The following CC2D2B variants were observed in gnomAD, a reference collection of about 807,000 sequenced individuals.
CC2D2B encodes the protein protein CC2D2B.
In CC2D2B, 128 loss-of-function variants were observed where a neutral mutation model predicts 161.2. The observed-to-expected ratio is 0.79, with a 90% CI of 0.69 to 0.92. The LOEUF (loss-of-function observed/expected upper bound fraction) is 0.92. Ranked by LOEUF, CC2D2B falls within the 40% of genes least tolerant of loss-of-function variation. The pLI is 0.00. For missense variants in CC2D2B, 1,173 were observed against 1,375.1 expected (o/e 0.85, Z 2.32); for synonymous variants, 391 against 449.8 (o/e 0.87, Z 1.65).
chr10:95,970,907 A>G (rs1248448410), intron 15 of CC2D2B, among the ~76,000 whole-genome samples: 1 of 152,166 alleles, frequency 6.6e-6, no homozygotes, highest in Non-Finnish European at 1.5e-5. Context: ...AACTAGAAAA[A>G]ATATGTGCCT....
chr10:95,967,813 T>C (rs2076993013), intron 14 of CC2D2B, among the ~76,000 whole-genome samples: 1 of 151,512 alleles, frequency 6.6e-6, no homozygotes, highest in African/African-American at 2.4e-5. Flanking sequence ...CCCTAACTCT[T>C]TGAGAAGGTT....
chr10:96,015,231 A>ATTTTTTTTTTTTTTTTTTTTT (rs58739011), intron 29 of CC2D2B, among the ~76,000 whole-genome samples: 2 of 111,332 alleles, frequency 1.8e-5, no homozygotes, highest in African/African-American at 7.1e-5. Flanking sequence ...GGCCCAGCTA[A>ATTTTTTTTTTTTTTTTTTTTT]TTTTTTTTTT....
In CC2D2B at chr10:95,961,848, G is replaced by A; in HGVS notation, c.1129G>A (p.Asp377Asn). 4.1e-6 allele frequency: 5 copies of A among 1,231,508 alleles called. No homozygotes were observed. The highest frequency in any genetic ancestry group is 5.1e-6 in the Non-Finnish European group (5 of 987,544). The allele number at this position is 1,231,508 out of a possible 1,614,324, so 76.3% of individuals were successfully genotyped here. Residue 377 changes from aspartate (D) to asparagine (N), a missense_variant, in exon 12 of 35, where the codon GAC becomes AAC. Physicochemically the swap from Asp to Asn is conservative, Grantham distance 23 (BLOSUM62 1). This residue lies in a region of CC2D2B where 298 missense variants were observed against 261.2 expected (regional missense o/e 1.14). Transcript: ENST00000646931. The stretch of plus-strand genomic sequence containing the variant: ...TTGTAGTAATACAAAACAGATGTAT[G>A]ACTTAGAAAGGGGAAAGGACCTCTC... ...WQISNTKQMY[D>N]LERGKDLSLL... is the part of the protein sequence containing the mutation.
At chr10:95,988,940 TC>T (rs2077842118) in intron 20 of CC2D2B, among the ~76,000 whole-genome samples, 1 of 152,170 alleles carries the variant, frequency 6.6e-6, no homozygotes. Flanking sequence ...TAGCATAGTA[TC>T]TTACACTGAG....
At chr10:96,005,172 T>G (rs2078691200) in intron 25 of CC2D2B, among the ~76,000 whole-genome samples, 1 of 152,204 alleles carries the variant, frequency 6.6e-6, no homozygotes, top group Non-Finnish European at 1.5e-5. Flanking sequence ...GGGTAAAGCT[T>G]AGAAAACCCA....
At chr10:95,974,605 G>A (rs1335460447) in intron 17 of CC2D2B, among the ~76,000 whole-genome samples, 1 of 152,186 alleles carries the variant, frequency 6.6e-6, no homozygotes, top group Non-Finnish European at 1.5e-5. Flanking sequence ...TGATGATAAT[G>A]CTGGCTTCCA....
At chr10:96,025,162 T>C (rs1400784890) in intron 33 of CC2D2B, among the ~76,000 whole-genome samples, 1 of 7,108 alleles carries the variant, frequency 1.4e-4, no homozygotes, top group Non-Finnish European at 2.4e-4. Context: ...AAAATATATA[T>C]ATATATATAT....
chr10:95,936,070 G>A (rs1392025137), intron 6 of CC2D2B, among the ~76,000 whole-genome samples: 1 of 152,128 alleles, frequency 6.6e-6, no homozygotes, highest in Non-Finnish European at 1.5e-5. Context: ...AAACAAAAGC[G>A]GGCCGTGTCT....
At chr10:96,016,834 C>T (rs2079221012) in intron 30 of CC2D2B, among the ~76,000 whole-genome samples, 1 of 152,176 alleles carries the variant, frequency 6.6e-6, no homozygotes, top group Non-Finnish European at 1.5e-5. Flanking sequence ...GATTTTTCTG[C>T]CTCAACCTCC....
At chr10:95,956,114 A>C (rs10882698) in intron 11 of CC2D2B, among the ~76,000 whole-genome samples, 37,354 of 152,150 alleles carry the variant, frequency 0.25, 5,983 homozygotes, top group Admixed American at 0.35. Flanking sequence ...TCTATCTCAG[A>C]TTTAGAATTT....
intron 34 of CC2D2B, among the ~76,000 whole-genome samples, chr10:96,027,729 C>T (rs993463551): frequency 3.3e-5 from 5 of 152,166 alleles, no homozygotes; most frequent in African/African-American, 1.2e-4. Context: ...AATCACATTA[C>T]CTGACTTCAA....
chr10:95,923,652 T>C (rs1336901527), intron 3 of CC2D2B, among the ~76,000 whole-genome samples: 6 of 152,168 alleles, frequency 3.9e-5, no homozygotes, highest in Non-Finnish European at 8.8e-5. Context: ...AGAAGGGCTC[T>C]GGCCAGTAGC....
At chr10:95,983,955 C>A (rs548223563) in intron 19 of CC2D2B, 146 bp downstream of exon 19, 1 of 412,474 alleles carries the variant, frequency 2.4e-6, no homozygotes, top group African/African-American at 2.0e-5. Flanking sequence ...TAAAAATATA[C>A]GTATCTCCCA....
intron 32 of CC2D2B, among the ~76,000 whole-genome samples, chr10:96,022,323 G>GA (rs149075953): frequency 0.02 from 2,950 of 149,288 alleles, 91 homozygotes; most frequent in African/African-American, 0.066. Context: ...CTCTGTCAAA[G>GA]AAAAAAAAAA....
In CC2D2B at chr10:95,959,351, G is replaced by A. The variant is rs541721505; in HGVS notation, c.1110-2478G>A. 7.9e-5 allele frequency among the ~76,000 whole-genome samples: 12 copies of A among 152,236 alleles called. No individual in the cohort carries two copies. In the East Asian group the frequency reaches 1.2e-3, roughly 15 times the overall value. On this transcript the variant is annotated intron_variant, in intron 11 of 34. Coordinates refer to ENST00000646931, the MANE Select transcript of CC2D2B (RefSeq NM_001349008.3). ...CAGGTCTACCACAGACCACTGAATC[G>A]GGAACTCTACAGGTAGGGCCTGGTA...
chr10:95,948,234 C>A (rs2076289411), intron 9 of CC2D2B, among the ~76,000 whole-genome samples: 1 of 143,746 alleles, frequency 7.0e-6, no homozygotes, highest in South Asian at 2.4e-4. Context: ...CTGGAGGCAT[C>A]ACACTACCTG....
intron 20 of CC2D2B, 81 bp downstream of exon 20, chr10:95,988,423 C>T: frequency 1.8e-6 from 1 of 562,214 alleles, no homozygotes; most frequent in Non-Finnish European, 2.7e-6. Flanking sequence ...TATAGTCCTT[C>T]CAGAGAGTCA....
chr10:95,946,456 A>C (rs2076202270), intron 9 of CC2D2B, among the ~76,000 whole-genome samples: 2 of 152,216 alleles, frequency 1.3e-5, no homozygotes, highest in South Asian at 4.1e-4. Context: ...AGGATTCTCT[A>C]GCTTAGGAAC....
At chr10:96,002,655 A>T (rs992493569) in intron 24 of CC2D2B, among the ~76,000 whole-genome samples, 7 of 152,210 alleles carry the variant, frequency 4.6e-5, no homozygotes, top group Non-Finnish European at 1.0e-4. Flanking sequence ...GGAACAAAGT[A>T]GGGGAGTCAG....
Sources: gnomAD v4.1 joint callset for allele counts (sites outside exome capture counted in the v4.1 genomes callset) on GRCh38, gnomAD v4.1.1 for gene constraint, gnomAD v4.1.1 regional missense constraint, MANE v1.5 for transcripts, NCBI Gene and HGNC (gene_info 2026-07-23, HGNC 2026-07-21) for gene names.